The following PGM2 variants were observed in gnomAD, a reference collection of about 807,000 sequenced individuals.
PGM2 encodes the protein phosphoglucomutase 2, also known as phosphopentomutase.
Under a neutral mutation model 74.6 loss-of-function variants are expected in PGM2, and 57 were observed. The ratio of observed to expected loss-of-function variants is 0.76; its 90% CI spans 0.62 to 0.95. The LOEUF is 0.95. Among genes scored for constraint, PGM2 ranks in the 40% least tolerant of loss-of-function variants. The pLI is 0.00. For missense variants in PGM2, 706 were observed against 741.9 expected, an observed-to-expected ratio of 0.95 and a Z score of 0.56; for synonymous variants, 273 against 260.7, an observed-to-expected ratio of 1.05 and a Z score of -0.46.
chr4:37,861,630 T>C lies in PGM2; in HGVS notation c.*18T>C. ...CAGACTAAAATAGTCCAGCCTTGGG[T>C]ATACTTGCATTTACCTACAATTAAG... On this transcript the variant is annotated 3_prime_UTR_variant, in exon 14 of 14. Coordinates refer to ENST00000381967, the MANE Select transcript of PGM2 (RefSeq NM_018290.4). 2 of 1,497,860 alleles carry C rather than the reference T, an allele frequency of 1.3e-6. No homozygotes were observed. Among genetic ancestry groups the C allele is most frequent in the Non-Finnish European group, 1.9e-6 (2 of 1,074,454 alleles). 92.8% of individuals were successfully genotyped at this position (1,497,860 alleles called of 1,614,324 possible).
intron 3 of PGM2, among the ~76,000 whole-genome samples, chr4:37,835,430 A>G (rs13133302): frequency 4.6e-5 from 7 of 152,192 alleles, no homozygotes; most frequent in South Asian, 2.1e-4. Flanking sequence ...ACATCCATCG[A>G]CAATGCATAA....
intron 11 of PGM2, among the ~76,000 whole-genome samples, chr4:37,849,361 CCAGG>C (rs1577680543): frequency 6.6e-6 from 1 of 150,832 alleles, no homozygotes; most frequent in East Asian, 2.0e-4. Flanking sequence ...AGGCGGAAGA[CCAGG>C]CAGTCATTTG....
chr4:37,860,336 A>T (rs553994835), intron 13 of PGM2, among the ~76,000 whole-genome samples: 1 of 152,254 alleles, frequency 6.6e-6, no homozygotes, highest in Non-Finnish European at 1.5e-5. Flanking sequence ...AAAAATAATT[A>T]TAATGATAGC....
At chr4:37,840,949 T>A (rs1725693189) in intron 6 of PGM2, among the ~76,000 whole-genome samples, 1 of 71,136 alleles carries the variant, frequency 1.4e-5, no homozygotes, top group African/African-American at 3.3e-5. Flanking sequence ...TACATGTAAG[T>A]GTGTGTGTGT....
At chr4:37,843,560 A>G (rs1210131799) in intron 6 of PGM2, among the ~76,000 whole-genome samples, 2 of 151,962 alleles carry the variant, frequency 1.3e-5, no homozygotes, top group African/African-American at 4.8e-5. Flanking sequence ...CATGGTATCA[A>G]ACAGGATTGT....
rs549644030 is a variant in PGM2, at chr4:37,845,657, A to G, written c.934A>G (p.Lys312Glu). 18 of 1,613,092 alleles carry G rather than the reference A, an allele frequency of 1.1e-5. No homozygotes were observed. The Admixed American group carries it at 1.7e-4, about 15-fold the overall frequency. ...GACTTTGTCTTTTGCTTTGGCTGAC[A>G]AAACCAAGGCCAGAATTGTTTTAGC... ...VLTLSFALADKTKARIVLAND... is the reference protein window; with the variant it reads ...VLTLSFALADETKARIVLAND... The change falls in exon 8 of 14, where the codon AAA becomes GAA. Residue 312 changes from lysine to glutamate, a missense_variant. Transcript: ENST00000381967.
Position 37,861,287 on chromosome 4 carries a change from T to C in PGM2, c.1737-223T>C, listed in dbSNP as rs549928951. The stretch of plus-strand genomic sequence containing the variant: ...GATAACTTTGTTTATAGTTCAGACA[T>C]TGGAAAAATCTTTGGGAAAAATAAT... On this transcript the variant is annotated intron_variant, in intron 13 of 13. Coordinates refer to ENST00000381967, the MANE Select transcript of PGM2 (RefSeq NM_018290.4). Among the ~76,000 whole-genome samples, 34 of 152,326 alleles carry C rather than the reference T, an allele frequency of 2.2e-4. No individual in the cohort carries two copies. In the Middle Eastern group the frequency reaches 0.017, roughly 76 times the overall value.
At chr4:37,848,716 C>A in intron 11 of PGM2, 65 bp downstream of exon 11, 2 of 1,159,168 alleles carry the variant, frequency 1.7e-6, no homozygotes, top group Non-Finnish European at 1.3e-6. Context: ...TATACTTATG[C>A]ATGAGATACT....
intron 3 of PGM2, among the ~76,000 whole-genome samples, chr4:37,836,430 G>A (rs1577674014): frequency 6.6e-6 from 1 of 152,212 alleles, no homozygotes; most frequent in African/African-American, 2.4e-5. Flanking sequence ...AATTTCGCCC[G>A]AGGAGATGTT....
At chr4:37,834,588 A>G (rs1174769337) in intron 2 of PGM2, 30 bp from the exon 3 acceptor site, 2 of 1,095,960 alleles carry the variant, frequency 1.8e-6, no homozygotes, top group East Asian at 2.4e-5. Context: ...ATGTTAAAAC[A>G]TACTTTTTAA....
chr4:37,830,217 G>A, intron 2 of PGM2, 86 bp downstream of exon 2: 5 of 1,026,812 alleles, frequency 4.9e-6, no homozygotes. Flanking sequence ...TCTAATTATA[G>A]ACATGTCTTA....
At position 37,840,065 on chromosome 4, in the gene PGM2, G is replaced by A; in HGVS notation, c.526-1G>A. On this transcript the variant is annotated splice_acceptor_variant, in intron 5 of 13. Transcript: ENST00000381967. LOFTEE classifies it high-confidence loss of function. ...TCTGAATGTGTTCCTGGGTCCTCTA[G>A]GTCTATTGGGATAATGGAGCTCAGA... 1 of 1,612,144 alleles carries A rather than the reference G, an allele frequency of 6.2e-7. No individual in the cohort carries two copies. Among genetic ancestry groups the A allele is most frequent in the Non-Finnish European group, 8.5e-7 (1 of 1,178,474 alleles).
intron 12 of PGM2, among the ~76,000 whole-genome samples, chr4:37,854,259 A>T (rs1204699053): frequency 6.6e-6 from 1 of 152,162 alleles, no homozygotes; most frequent in East Asian, 1.9e-4. Context: ...ATCAAATATA[A>T]ATATACCATT....
Position 37,844,384 on chromosome 4 carries a change from A to T in PGM2, c.740A>T (p.Lys247Met), listed in dbSNP as rs2152178121. ...CFHRSVNRET[K>M]VKFVHTSVHG... Reference sequence around the variant, plus strand: ...TCTAGGAGCGTGAACAGGGAGACAAAGGTGAAGTTTGTGCACACCTCTGTC... The same window carrying T: ...TCTAGGAGCGTGAACAGGGAGACAATGGTGAAGTTTGTGCACACCTCTGTC... Residue 247 changes from lysine to methionine, a missense_variant, in exon 7 of 14, where the codon AAG (lysine) becomes ATG (methionine). This residue lies in a region of PGM2 where 332 missense variants were observed against 334.9 expected (regional missense o/e 0.99). Coordinates refer to ENST00000381967, the MANE Select transcript of PGM2 (RefSeq NM_018290.4). 1 of 1,608,792 alleles carries T rather than the reference A, an allele frequency of 6.2e-7. No individual in the cohort carries two copies. Among genetic ancestry groups the T allele is most frequent in the South Asian group, 1.1e-5 (1 of 89,942 alleles).
chr4:37,852,649 C>G (rs1379800124), intron 12 of PGM2, among the ~76,000 whole-genome samples: 1 of 152,204 alleles, frequency 6.6e-6, no homozygotes, highest in Non-Finnish European at 1.5e-5. Flanking sequence ...TCCAGCATTG[C>G]TATTGAGCCT....
At position 37,830,145 on chromosome 4, in the gene PGM2, TA is replaced by T; in HGVS notation, c.249+15del. ...CAGACTACACAGGTACCATGTTTTT[TA>T]TAATTCTTAGTAACTCAATGTATCC... On this transcript the variant is annotated intron_variant, in intron 2 of 13. Coordinates refer to ENST00000381967, the MANE Select transcript of PGM2 (RefSeq NM_018290.4). 6.6e-7 allele frequency: 1 copy of T among 1,507,118 alleles called. No individual in the cohort carries two copies. The allele number at this position is 1,507,118 out of a possible 1,614,324, so 93.4% of individuals were successfully genotyped here.
intron 6 of PGM2, among the ~76,000 whole-genome samples, chr4:37,843,669 G>C (rs1725790970): frequency 6.6e-6 from 1 of 151,450 alleles, no homozygotes; most frequent in African/African-American, 2.4e-5. Context: ...GAATGCAGTG[G>C]CACAATCTCG....
At chr4:37,836,670 G>T (rs1235631340) in intron 3 of PGM2, among the ~76,000 whole-genome samples, 1 of 152,146 alleles carries the variant, frequency 6.6e-6, no homozygotes, top group Admixed American at 6.5e-5. Context: ...CACAGGGGTG[G>T]TATAATGTTG....
rs142887287 is a variant in PGM2 at position 37,846,846 on chromosome 4, T to C, written c.1008-85T>C. ...GAAAATACTTAGATGCTTTGTTTGCTAAATTGTTTTATCCCCATGACACTT... is the reference window on the plus strand; with the variant it reads ...GAAAATACTTAGATGCTTTGTTTGCCAAATTGTTTTATCCCCATGACACTT... On this transcript the variant is annotated intron_variant, in intron 8 of 13. Coordinates refer to ENST00000381967, the MANE Select transcript of PGM2 (RefSeq NM_018290.4). 611 of 1,054,776 alleles carry C rather than the reference T, an allele frequency of 5.8e-4. 3 individuals carry two copies. In the African/African-American group the frequency reaches 8.8e-3, roughly 15 times the overall value. 65.3% of individuals were successfully genotyped at this position (1,054,776 alleles called of 1,614,324 possible).
Sources: allele counts gnomAD v4.1 joint callset (sites outside exome capture counted in the v4.1 genomes callset), GRCh38; gene constraint gnomAD v4.1.1; regional missense constraint gnomAD v4.1.1; transcripts MANE v1.5; gene names NCBI Gene and HGNC (gene_info 2026-07-23, HGNC 2026-07-21).